Variants in FAM169A observed in about 807,000 individuals in gnomAD.
The protein encoded by FAM169A is soluble lamin-associated protein of 75 kDa.
Under a neutral mutation model 75.7 loss-of-function variants are expected in FAM169A, and 24 were observed. The ratio of observed to expected loss-of-function variants is 0.32; its 90% confidence interval spans 0.23 to 0.45. The LOEUF (loss-of-function observed/expected upper bound fraction) is 0.45, where lower values mean the gene tolerates loss of function less well. Among genes scored for constraint, FAM169A ranks in the 20% least tolerant of loss-of-function variants. The pLI is 1.00. For synonymous variants in FAM169A, 271 were observed against 271.0 expected, an observed-to-expected ratio of 1.00 and a Z score of 0.00; for missense variants, 673 against 784.0, an observed-to-expected ratio of 0.86 and a Z score of 1.69.
At chr5:74,816,296 A>T (rs1479270550) in intron 5 of FAM169A, among the ~76,000 whole-genome samples, 2 of 152,226 alleles carry the variant, frequency 1.3e-5, no homozygotes, top group Admixed American at 6.5e-5. Context: ...CTGAGGATCT[A>T]TGGTTGTTCA....
intron 1 of FAM169A, among the ~76,000 whole-genome samples, chr5:74,850,439 C>A (rs886125878): frequency 1.3e-5 from 2 of 152,182 alleles, no homozygotes; most frequent in Admixed American, 6.5e-5. Context: ...GATAAGAAAT[C>A]ATTTAAGCAT....
chr5:74,854,162 G>A (rs1749589027), intron 1 of FAM169A, among the ~76,000 whole-genome samples: 1 of 152,124 alleles, frequency 6.6e-6, no homozygotes, highest in Non-Finnish European at 1.5e-5. Flanking sequence ...GGGAGGCCAA[G>A]ATGGGCAGAT....
intron 6 of FAM169A, among the ~76,000 whole-genome samples, chr5:74,806,531 G>C (rs989728652): frequency 7.2e-5 from 11 of 152,266 alleles, no homozygotes; most frequent in African/African-American, 2.4e-4. Flanking sequence ...GAAAAAGTAT[G>C]ATCTATTAAG....
intron 5 of FAM169A, among the ~76,000 whole-genome samples, chr5:74,829,415 T>C (rs943122751): frequency 1.3e-5 from 2 of 152,208 alleles, no homozygotes; most frequent in African/African-American, 4.8e-5. Flanking sequence ...AGGCAATAAT[T>C]TGTCATTTTC....
intron 12 of FAM169A, 91 bp from the exon 13 acceptor site, chr5:74,782,099 GAATTT>G: frequency 1.0e-6 from 1 of 968,604 alleles, no homozygotes; most frequent in African/African-American, 1.6e-5. Flanking sequence ...CACTGAACTA[GAATTT>G]AATTCGGTAT....
At chr5:74,824,593 T>A (rs974776096) in intron 5 of FAM169A, among the ~76,000 whole-genome samples, 2 of 151,966 alleles carry the variant, frequency 1.3e-5, no homozygotes, top group South Asian at 4.2e-4. Context: ...TTTTTAAATG[T>A]ATACTTCTTG....
chr5:74,828,126 T>G (rs1308208773), intron 5 of FAM169A, among the ~76,000 whole-genome samples: 1 of 152,226 alleles, frequency 6.6e-6, no homozygotes, highest in Non-Finnish European at 1.5e-5. Flanking sequence ...CCCTTCGTTA[T>G]AGCAATGTAA....
At chr5:74,805,388 A>G (rs1746813516) in intron 6 of FAM169A, 104 bp from the exon 7 acceptor site, 4 of 943,546 alleles carry the variant, frequency 4.2e-6, no homozygotes, top group Non-Finnish European at 4.7e-6. Context: ...GGGCTAGCAT[A>G]ACCTTGATAC....
chr5:74,816,324 G>A (rs1747468814), intron 5 of FAM169A, among the ~76,000 whole-genome samples: 2 of 152,120 alleles, frequency 1.3e-5, no homozygotes, highest in African/African-American at 4.8e-5. Flanking sequence ...ACATGCTTCA[G>A]GCTCCTTACA....
intron 1 of FAM169A, among the ~76,000 whole-genome samples, chr5:74,843,564 G>A (rs1332735781): frequency 6.6e-6 from 1 of 152,074 alleles, no homozygotes; most frequent in Non-Finnish European, 1.5e-5. Context: ...TCATTTGGCG[G>A]GGAAAAGACT....
At chr5:74,863,051 G>A (rs999732924) in intron 1 of FAM169A, among the ~76,000 whole-genome samples, 19 of 150,218 alleles carry the variant, frequency 1.3e-4, no homozygotes, top group African/African-American at 4.7e-4. Flanking sequence ...GCAGGGGTGG[G>A]AGGAATCTAG....
intron 11 of FAM169A, among the ~76,000 whole-genome samples, chr5:74,795,199 A>T (rs1746206660): frequency 6.6e-6 from 1 of 152,182 alleles, no homozygotes; most frequent in South Asian, 2.1e-4. Flanking sequence ...CAGAGGTTGC[A>T]GTGAGCCAAG....
intron 1 of FAM169A, among the ~76,000 whole-genome samples, chr5:74,853,510 T>A (rs1749550659): frequency 6.6e-6 from 1 of 151,972 alleles, no homozygotes; most frequent in South Asian, 2.1e-4. Context: ...TCCAGAGGGG[T>A]TTAACCTGGT....
intron 1 of FAM169A, among the ~76,000 whole-genome samples, chr5:74,853,401 C>A (rs1167365138): frequency 6.6e-6 from 1 of 152,146 alleles, no homozygotes; most frequent in Non-Finnish European, 1.5e-5. Context: ...TACACCCTTT[C>A]TGAATGAGGA....
intron 10 of FAM169A, among the ~76,000 whole-genome samples, chr5:74,796,982 GTTCTCTCTGGACCACTGTAC>G (rs1746310705): frequency 6.6e-6 from 1 of 152,058 alleles, no homozygotes; most frequent in Admixed American, 6.6e-5. Flanking sequence ...TCAGGCCCCA[GTTCTCTCTGGACCACTGTAC>G]TTCTCCCCAA....
upstream of FAM169A, chr5:74,866,436 C>T: frequency 1.1e-6 from 1 of 923,742 alleles, no homozygotes. Context: ...CCCGCGCCCA[C>T]CGCGAATCCC....
chr5:74,863,419 CT>C (rs1750143717), intron 1 of FAM169A, among the ~76,000 whole-genome samples: 1 of 151,982 alleles, frequency 6.6e-6, no homozygotes, highest in Non-Finnish European at 1.5e-5. Flanking sequence ...CACACAATTC[CT>C]TTTTTCACTT....
At position 74,781,398 on chromosome 5, in the gene FAM169A, A is replaced by G; in HGVS notation, c.*62T>C. The G allele has an allele frequency of 2.7e-6, 4 of 1,491,450 alleles. No individual in the cohort carries two copies. Among genetic ancestry groups the G allele is most frequent in the African/African-American group, 1.4e-5 (1 of 71,474 alleles). The allele number at this position is 1,491,450 out of a possible 1,614,324, so 92.4% of individuals were successfully genotyped here. On this transcript the variant is annotated 3_prime_UTR_variant, in exon 13 of 13. Transcript: ENST00000687041. ...TGCCCCATGCTGTTTATTAATTACC[A>G]TATTTTAAAAACAACAACTATGTTA... is the stretch of plus-strand genomic sequence containing the variant.
Position 74,778,681 on chromosome 5 carries a change from T to C in FAM169A, c.*2779A>G, listed in dbSNP as rs1013904015. The C allele has an allele frequency of 1.3e-5, 2 of 152,090 alleles. No individual in the cohort carries two copies. The highest frequency in any genetic ancestry group is 2.9e-5 in the Non-Finnish European group (2 of 67,938). 9.4% of individuals were successfully genotyped at this position (152,090 alleles called of 1,614,324 possible). ...TTCTTAAATATACTAATTTCTGTGA[T>C]GTCTAGCAATTGAATAATTTAAACT... is the stretch of plus-strand genomic sequence containing the variant. On this transcript the variant is annotated 3_prime_UTR_variant, in exon 13 of 13. Transcript: ENST00000687041.
Sources: gnomAD v4.1 joint callset for allele counts (sites outside exome capture counted in the v4.1 genomes callset) on GRCh38, gnomAD v4.1.1 for gene constraint, MANE v1.5 for transcripts, NCBI Gene and HGNC (gene_info 2026-07-23, HGNC 2026-07-21) for gene names.